Variants in PLEKHG7 observed in about 807,000 individuals in gnomAD.
PLEKHG7 encodes pleckstrin homology domain-containing family G member 7.
PLEKHG7 carries 77 observed loss-of-function variants against 85.2 expected under a neutral mutation model. The ratio of observed to expected loss-of-function variants is 0.90; its 90% CI spans 0.75 to 1.09. PLEKHG7 has a LOEUF of 1.09. PLEKHG7 is among the 50% of genes least tolerant of loss of function. The pLI is 0.00. For missense variants in PLEKHG7, 777 were observed against 804.3 expected (o/e 0.97, Z 0.41); for synonymous variants, 301 against 302.4 (o/e 1.00, Z 0.05).
At position 92,728,053 on chromosome 12, in the gene PLEKHG7, A is replaced by C. The variant is rs181559582; in HGVS notation, c.531-940A>C. On this transcript the variant is annotated intron_variant, in intron 3 of 16. Coordinates refer to ENST00000344636, the MANE Select transcript of PLEKHG7 (RefSeq NM_001377329.1). Reference sequence around the variant, plus strand: ...CACCACATTCCATGGTGTATATATAAATATATATACACACCACATTCCATG... The same window carrying C: ...CACCACATTCCATGGTGTATATATACATATATATACACACCACATTCCATG... 5.1e-3 allele frequency among the ~76,000 whole-genome samples: 334 copies of C among 65,096 alleles called. 12 individuals are homozygous for C. Among genetic ancestry groups the C allele is most frequent in the African/African-American group, 0.021 (316 of 15,410 alleles). The allele number at this position is 65,096 out of a possible 152,430, so 42.7% of individuals were successfully genotyped here.
intron 3 of PLEKHG7, among the ~76,000 whole-genome samples, chr12:92,723,847 G>A (rs1052199917): frequency 4.6e-5 from 7 of 152,102 alleles, no homozygotes; most frequent in African/African-American, 4.8e-5. Flanking sequence ...GTAGTTACAC[G>A]CTCTCTGAGG....
chr12:92,719,025 C>T (rs888268160), intron 3 of PLEKHG7, among the ~76,000 whole-genome samples: 24 of 152,136 alleles, frequency 1.6e-4, no homozygotes, highest in Admixed American at 1.6e-3. Context: ...GGATTCCAGG[C>T]GGTAAACTAG....
At chr12:92,707,293 G>T in intron 2 of PLEKHG7, 155 bp downstream of exon 2, 2 of 1,432,600 alleles carry the variant, frequency 1.4e-6, no homozygotes, top group Non-Finnish European at 1.8e-6. Context: ...AGGAAGCATT[G>T]GCTCTTAAGT....
rs1243202005 is a variant in PLEKHG7, at chr12:92,737,454, AG to A, written c.874del (p.Ala292ProfsTer18). On this transcript the variant is annotated frameshift_variant, in exon 7 of 17. Coordinates refer to ENST00000344636, the MANE Select transcript of PLEKHG7 (RefSeq NM_001377329.1). LOFTEE classifies it high-confidence loss of function. ...TDQLDLKKQQEAVWELFTSEC... is the reference protein window; with the variant it reads ...TDQLDLKKQQXAVWELFTSEC... ...CAATTAGACCTGAAAAAGCAGCAAG[AG>A]GCCGTGTGGGAACTTTTCACAAGTG... is the stretch of plus-strand genomic sequence containing the variant. 4.4e-6 allele frequency: 7 copies of A among 1,587,816 alleles called. No homozygotes were observed. In the East Asian group the frequency reaches 6.8e-5, roughly 15 times the overall value.
chr12:92,710,404 A>G (rs1375355889), intron 3 of PLEKHG7, among the ~76,000 whole-genome samples: 1 of 152,206 alleles, frequency 6.6e-6, no homozygotes, highest in Non-Finnish European at 1.5e-5. Flanking sequence ...CCACTGTCGC[A>G]CTGCTTTGTC....
intron 3 of PLEKHG7, among the ~76,000 whole-genome samples, chr12:92,726,741 G>A (rs1172765743): frequency 6.6e-6 from 1 of 152,136 alleles, no homozygotes; most frequent in Non-Finnish European, 1.5e-5. Context: ...CACATTTCAT[G>A]AAATGGGCCA....
intron 3 of PLEKHG7, among the ~76,000 whole-genome samples, chr12:92,726,988 C>G (rs1871834485): frequency 6.6e-6 from 1 of 152,130 alleles, no homozygotes; most frequent in Non-Finnish European, 1.5e-5. Flanking sequence ...GGTCTTTTTC[C>G]TAGTATCCTG....
At chr12:92,732,537 T>C (rs1206191767) in intron 5 of PLEKHG7, among the ~76,000 whole-genome samples, 1 of 152,224 alleles carries the variant, frequency 6.6e-6, no homozygotes, top group African/African-American at 2.4e-5. Context: ...AGTGATGCTT[T>C]ACAACACTAA....
intron 4 of PLEKHG7, 81 bp downstream of exon 4, chr12:92,729,201 T>G: frequency 8.2e-7 from 1 of 1,216,400 alleles, no homozygotes; most frequent in Admixed American, 4.2e-5. Context: ...TTTCAAAATA[T>G]TGAATAATTA....
chr12:92,735,366 A>T (rs1385978409), intron 5 of PLEKHG7, among the ~76,000 whole-genome samples: 1 of 152,214 alleles, frequency 6.6e-6, no homozygotes, highest in Non-Finnish European at 1.5e-5. Context: ...GCCACAGCCC[A>T]TTAGCACATT....
Position 92,761,755 on chromosome 12 carries a change from G to A in PLEKHG7, c.1640G>A (p.Ser547Asn). The A allele has an allele frequency of 1.3e-6, 2 of 1,566,924 alleles. No homozygotes were observed. Among genetic ancestry groups the A allele is most frequent in the Non-Finnish European group, 1.7e-6 (2 of 1,163,534 alleles). ...CAGCTTCTCTTTTTTTCCTCAGAAA[G>A]CACGAGATTCCTAGATGTTTATCTG... ...LYEGKLTLAE[S>N]TRFLDVYLFL... The change falls in exon 14 of 17, where the codon AGC (serine) becomes AAC (asparagine). Residue 547 changes from serine to asparagine, a missense_variant. Around this residue, in one of 3 missense-constraint regions of PLEKHG7, gnomAD observed 520 missense variants for 544.0 expected, o/e 0.96. Transcript: ENST00000344636.
Position 92,761,779 on chromosome 12 carries a change from T to A in PLEKHG7, c.1664T>A (p.Leu555Gln), listed in dbSNP as rs769219615. The part of the protein sequence containing the change: ...AESTRFLDVY[L>Q]FLFNDFLLVT... ...AGCACGAGATTCCTAGATGTTTATC[T>A]GTTTCTCTTCAATGATTTCCTCTTA... Residue 555 changes from leucine to glutamine, a missense_variant, in exon 14 of 17, where the codon CTG becomes CAG. Physicochemically the swap from Leu to Gln is moderately radical, Grantham distance 113. Transcript: ENST00000344636. 1.0e-5 allele frequency: 16 copies of A among 1,577,706 alleles called. No homozygotes were observed. The highest frequency in any genetic ancestry group is 1.4e-5 in the Non-Finnish European group (16 of 1,167,788).
intron 4 of PLEKHG7, among the ~76,000 whole-genome samples, 199 bp from the exon 5 acceptor site, chr12:92,732,034 T>C (rs910685931): frequency 1.8e-4 from 27 of 152,188 alleles, no homozygotes; most frequent in African/African-American, 6.3e-4. Context: ...CACCAACTTT[T>C]AGGTTGCAAC....
In PLEKHG7 at chr12:92,771,529, TA is replaced by T. The variant is rs1258965948; in HGVS notation, c.*1336del. ...GAGGACAGTAACTATTGTTAATAGC[TA>T]AGAATAAATGAGGTGGAGGGGAGAA... On this transcript the variant is annotated 3_prime_UTR_variant, in exon 17 of 17. Transcript: ENST00000344636. 3 of 151,914 alleles carry T rather than the reference TA, an allele frequency of 2.0e-5. No homozygotes were observed. The highest frequency in any genetic ancestry group is 7.3e-5 in the African/African-American group (3 of 41,374). The allele number at this position is 151,914 out of a possible 1,614,324, so 9.4% of individuals were successfully genotyped here.
chr12:92,748,888 C>G (rs760451002), intron 10 of PLEKHG7, among the ~76,000 whole-genome samples: 1 of 152,244 alleles, frequency 6.6e-6, no homozygotes, highest in Non-Finnish European at 1.5e-5. Flanking sequence ...TGAGCCCTTG[C>G]TATGGCCTAG....
At chr12:92,760,334 TA>T (rs550984577) in intron 13 of PLEKHG7, among the ~76,000 whole-genome samples, 2 of 152,066 alleles carry the variant, frequency 1.3e-5, no homozygotes, top group Non-Finnish European at 2.9e-5. Context: ...ATATGATTTT[TA>T]AAAAAACTAT....
chr12:92,761,356 A>G (rs757142464), intron 13 of PLEKHG7, among the ~76,000 whole-genome samples: 31 of 152,100 alleles, frequency 2.0e-4, no homozygotes, highest in Non-Finnish European at 4.3e-4. Context: ...TCTTAGATTC[A>G]AATGAGACGC....
intron 10 of PLEKHG7, among the ~76,000 whole-genome samples, chr12:92,745,987 A>G (rs1366619446): frequency 6.6e-6 from 1 of 152,236 alleles, no homozygotes; most frequent in African/African-American, 2.4e-5. Flanking sequence ...CATCATTTAC[A>G]CTGTATTCTA....
At chr12:92,760,812 G>GAT (rs1461551645) in intron 13 of PLEKHG7, among the ~76,000 whole-genome samples, 3 of 152,212 alleles carry the variant, frequency 2.0e-5, no homozygotes, top group Non-Finnish European at 2.9e-5. Flanking sequence ...ATATGAAACA[G>GAT]ATGGAGAATA....
Sources: gnomAD v4.1 joint callset for allele counts (sites outside exome capture counted in the v4.1 genomes callset) on GRCh38, gnomAD v4.1.1 for gene constraint, gnomAD v4.1.1 regional missense constraint, MANE v1.5 for transcripts, NCBI Gene and HGNC (gene_info 2026-07-23, HGNC 2026-07-21) for gene names.